Variants in RYR2 observed in about 807,000 individuals in gnomAD.
The protein encoded by RYR2 is ryanodine receptor 2.
In RYR2, 227 loss-of-function variants were observed where a neutral mutation model predicts 601.1. That is an observed-to-expected ratio of 0.38 (90% CI 0.34 to 0.42). The LOEUF is 0.42. Among genes scored for constraint, RYR2 ranks in the 10% least tolerant of loss-of-function variants. The pLI, the probability that RYR2 is intolerant of heterozygous loss-of-function variation, is 1.00. For missense variants in RYR2, 4,646 were observed against 6,156.5 expected (o/e 0.75, Z 8.21); for synonymous variants, 2,223 against 2,175.1 (o/e 1.02, Z -0.61).
At chr1:237,582,939 T>TATAC (rs1553511952) in intron 29 of RYR2, among the ~76,000 whole-genome samples, 1,982 of 150,642 alleles carry the variant, frequency 0.013, 38 homozygotes, top group African/African-American at 0.043. Flanking sequence ...TATATATATA[T>TATAC]ACCCAGTAAT....
chr1:237,175,941 T>A (rs921334281), intron 1 of RYR2, among the ~76,000 whole-genome samples: 1 of 152,140 alleles, frequency 6.6e-6, no homozygotes, highest in Non-Finnish European at 1.5e-5. Flanking sequence ...TTTAAAGTTA[T>A]GTTTTCTGGG....
At chr1:237,315,889 C>T (rs1213987809) in intron 2 of RYR2, among the ~76,000 whole-genome samples, 1 of 151,944 alleles carries the variant, frequency 6.6e-6, no homozygotes, top group African/African-American at 2.4e-5. Context: ...TTTAAGATAC[C>T]AGATAGGGAG....
chr1:237,827,614 AGC>A (rs1263752819), intron 101 of RYR2, among the ~76,000 whole-genome samples: 95 of 130,632 alleles, frequency 7.3e-4, no homozygotes, highest in Middle Eastern at 8.5e-3. Flanking sequence ...TGGGTGACAG[AGC>A]AAGACTGTCT....
intron 14 of RYR2, among the ~76,000 whole-genome samples, chr1:237,448,030 AT>A (rs111796288): frequency 0.067 from 10,106 of 151,432 alleles, 945 homozygotes; most frequent in African/African-American, 0.21. Flanking sequence ...GGTTTAAGCA[AT>A]TTCTACTGTG....
intron 6 of RYR2, among the ~76,000 whole-genome samples, chr1:237,370,724 G>C (rs145529645): frequency 0.085 from 12,729 of 149,418 alleles, 565 homozygotes; most frequent in Middle Eastern, 0.097. Context: ...GCAGTGGCGC[G>C]ATCTCGGCTC....
At chr1:237,479,111 T>G (rs530227420) in intron 17 of RYR2, among the ~76,000 whole-genome samples, 57 of 152,340 alleles carry the variant, frequency 3.7e-4, no homozygotes, top group Admixed American at 7.8e-4. Context: ...TTCAAAATAC[T>G]ACTCTTCATT....
intron 71 of RYR2, among the ~76,000 whole-genome samples, chr1:237,712,512 A>G (rs1404884154): frequency 1.3e-5 from 2 of 151,992 alleles, no homozygotes; most frequent in Non-Finnish European, 2.9e-5. Flanking sequence ...ATGTCAGAGC[A>G]ACAGAATAAA....
At chr1:237,081,299 A>AG (rs71178386) in intron 1 of RYR2, among the ~76,000 whole-genome samples, 2 of 149,464 alleles carry the variant, frequency 1.3e-5, no homozygotes, top group Admixed American at 6.7e-5. Context: ...AAAAAAAAAA[A>AG]AAAAGAAAGT....
At chr1:237,217,941 TAGC>T (rs1330858066) in intron 1 of RYR2, among the ~76,000 whole-genome samples, 3 of 152,230 alleles carry the variant, frequency 2.0e-5, no homozygotes, top group African/African-American at 7.2e-5. Flanking sequence ...AGGGGATTAA[TAGC>T]AGCATTTAAA....
chr1:237,771,883 C>A, intron 85 of RYR2, 129 bp from the exon 86 acceptor site: 1 of 613,830 alleles, frequency 1.6e-6, no homozygotes, highest in South Asian at 1.9e-5. Flanking sequence ...CATAGTAAAA[C>A]TATTAGATAA....
chr1:237,263,926 A>T (rs1332020782), intron 1 of RYR2, among the ~76,000 whole-genome samples: 3 of 152,152 alleles, frequency 2.0e-5, no homozygotes, highest in Non-Finnish European at 2.9e-5. Flanking sequence ...GGTAGTGATA[A>T]TAAAGGGGAA....
intron 1 of RYR2, among the ~76,000 whole-genome samples, chr1:237,100,443 G>C (rs941655527): frequency 6.6e-5 from 10 of 151,576 alleles, no homozygotes; most frequent in African/African-American, 2.4e-4. Context: ...CTGGAGTGCA[G>C]TGGTGTGATC....
At chr1:237,669,979 T>G (rs967001359) in intron 58 of RYR2, among the ~76,000 whole-genome samples, 2 of 152,088 alleles carry the variant, frequency 1.3e-5, no homozygotes, top group Non-Finnish European at 2.9e-5. Context: ...ATCACGCCAC[T>G]GCACTCCAGC....
intron 96 of RYR2, among the ~76,000 whole-genome samples, chr1:237,795,788 G>A (rs1415080146): frequency 2.0e-5 from 3 of 149,772 alleles, no homozygotes; most frequent in Admixed American, 1.3e-4. Context: ...ATGGCCGGGC[G>A]CGGTGGCTCA....
intron 1 of RYR2, among the ~76,000 whole-genome samples, chr1:237,146,070 T>C (rs1673966163): frequency 6.6e-6 from 1 of 152,216 alleles, no homozygotes. Flanking sequence ...GCAGAGGGAC[T>C]ATAGCATATA....
intron 1 of RYR2, among the ~76,000 whole-genome samples, chr1:237,187,497 G>T (rs1386430441): frequency 7.2e-6 from 1 of 138,892 alleles, no homozygotes. Flanking sequence ...AGGCTGAAGT[G>T]CAGTGGCATG....
chr1:237,230,684 C>T (rs897947480), intron 1 of RYR2, among the ~76,000 whole-genome samples: 1 of 152,112 alleles, frequency 6.6e-6, no homozygotes, highest in Non-Finnish European at 1.5e-5. Context: ...TTTGGGAGGC[C>T]TTGACGTATG....
At chr1:237,302,378 A>AATTTTTTTGAACT (rs1430443167) in intron 2 of RYR2, among the ~76,000 whole-genome samples, 2 of 152,220 alleles carry the variant, frequency 1.3e-5, no homozygotes, top group Non-Finnish European at 2.9e-5. Context: ...TCAAATAGGG[A>AATTTTTTTGAACT]TATACCCTTT....
intron 70 of RYR2, among the ~76,000 whole-genome samples, chr1:237,709,924 C>A (rs1288471545): frequency 1.3e-5 from 2 of 152,092 alleles, no homozygotes; most frequent in African/African-American, 4.8e-5. Context: ...CAACAATAAC[C>A]CACACTCATT....
Sources: allele counts gnomAD v4.1 joint callset (sites outside exome capture counted in the v4.1 genomes callset), GRCh38; gene constraint gnomAD v4.1.1; transcripts MANE v1.5; gene names NCBI Gene and HGNC (gene_info 2026-07-23, HGNC 2026-07-21).